TTN: variants seen among roughly 807,000 people sequenced by gnomAD.
TTN encodes the protein connectin.
A neutral mutation model predicts 3,223.0 loss-of-function variants in TTN; 1,525 were observed. The ratio of observed to expected loss-of-function variants is 0.47; its 90% CI spans 0.45 to 0.49. The LOEUF is 0.49. TTN is among the 20% of genes least tolerant of loss of function. The pLI is 0.00. For synonymous variants in TTN, 14,094 were observed against 15,161.0 expected (o/e 0.93, Z 5.17); for missense variants, 40,786 against 43,424.0 (o/e 0.94, Z 5.40).
In TTN at chr2:178,705,154, C is replaced by T. The variant is rs767137227; in HGVS notation, c.29604+20G>A. 14 of 1,604,728 alleles carry T rather than the reference C, an allele frequency of 8.7e-6. No individual in the cohort carries two copies. The highest frequency in any genetic ancestry group is 2.2e-5 in the East Asian group (1 of 44,802). On this transcript the variant is annotated intron_variant, in intron 103 of 362. Coordinates refer to ENST00000589042, the MANE Select transcript of TTN (RefSeq NM_001267550.2). ...TAAATGTGACTTTTTTAGCATGATG[C>T]TATATATGAAGGAGCATACCAGTCT... is the stretch of plus-strand genomic sequence containing the variant.
At position 178,612,758 on chromosome 2, in the gene TTN, T is replaced by C; in HGVS notation, c.49948+15A>G. ...TAGAAGAATTTATATATCCCAGACA[T>C]CAAGAGTGACTTACATAGCTTCTCC... On this transcript the variant is annotated intron_variant, in intron 265 of 362. Coordinates refer to ENST00000589042, the MANE Select transcript of TTN (RefSeq NM_001267550.2). 6.2e-7 allele frequency: 1 copy of C among 1,600,874 alleles called. No homozygotes were observed. The highest frequency in any genetic ancestry group is 8.5e-7 in the Non-Finnish European group (1 of 1,175,676).
Position 178,548,596 on chromosome 2 carries a change from G to A in TTN, c.93030C>T (p.Thr31010=), listed in dbSNP as rs764535070. ...GGCCTGGAGTGTCTAGCACTTTCAC[G>A]GTGAATGTGATTGACTTACTACCAC... ...NNSGSKSITF[T]VKVLDTPGPP... is the part of the protein sequence containing the mutation. The change falls in exon 339 of 363, where the codon ACC becomes ACT. Residue 31010 remains threonine (T), a synonymous_variant. Transcript: ENST00000589042. The surrounding 1 kb of genome is among the most constrained non-coding windows in gnomAD (Gnocchi z 4.3). 19 of 1,613,832 alleles carry A rather than the reference G, an allele frequency of 1.2e-5. No individual in the cohort carries two copies. Among genetic ancestry groups the A allele is most frequent in the Non-Finnish European group, 1.5e-5 (18 of 1,179,788 alleles).
At chr2:178,745,294 G>T in intron 47 of TTN, 7 of 1,233,978 alleles carry the variant, frequency 5.7e-6, no homozygotes, top group Non-Finnish European at 7.2e-6. Flanking sequence ...GAGGAGGCAT[G>T]AGGGTAAATA....
rs779332326 is a variant in TTN at position 178,666,835 on chromosome 2, G to A, written c.35864C>T (p.Pro11955Leu). 4 of 1,568,468 alleles carry A rather than the reference G, an allele frequency of 2.6e-6. No homozygotes were observed. In the East Asian group the frequency reaches 9.3e-5, roughly 36 times the overall value. The change falls in exon 163 of 363, where the codon CCA becomes CTA. Residue 11955 changes from proline to leucine, a missense_variant. Transcript: ENST00000589042. The stretch of plus-strand genomic sequence containing the variant: ...CTTCCAACTTGTACCTGTTGGTGAT[G>A]GTGTTTTTCTTCTTTTAACAATAGG... ...ETPIVKRRKT[P>L]SPTVPESPRE...
Position 178,718,401 on chromosome 2 carries a change from T to C in TTN, c.24705A>G (p.Ile8235Met). Reference protein sequence around the residue: ...STILEILESTIEDYAQYSCLI... With the variant: ...STILEILESTMEDYAQYSCLI... Reference sequence around the variant, plus strand: ...GGCAGCTGTACTGTGCATAATCCTCTATTGTGCTCTCAAGAATTTCCAGTA... The same window carrying C: ...GGCAGCTGTACTGTGCATAATCCTCCATTGTGCTCTCAAGAATTTCCAGTA... The change falls in exon 85 of 363, where the codon ATA (isoleucine) becomes ATG (methionine). Residue 8235 changes from isoleucine to methionine, a missense_variant. Coordinates refer to ENST00000589042, the MANE Select transcript of TTN (RefSeq NM_001267550.2). 6.2e-7 allele frequency: 1 copy of C among 1,613,844 alleles called. No homozygotes were observed. Among genetic ancestry groups the C allele is most frequent in the African/African-American group, 1.3e-5 (1 of 75,054 alleles).
In TTN at chr2:178,731,675, A is replaced by C. The variant is rs758899121; in HGVS notation, c.17182+18T>G. On this transcript the variant is annotated intron_variant, in intron 58 of 362. Transcript: ENST00000589042. Reference sequence around the variant, plus strand: ...GACTCTTCAGAAAAGCCAGTCCCTCACTGGAACCAACACTAACCTCTTAAA... The same window carrying C: ...GACTCTTCAGAAAAGCCAGTCCCTCCCTGGAACCAACACTAACCTCTTAAA... The C allele has an allele frequency of 6.3e-7, 1 of 1,594,010 alleles. No homozygotes were observed. Among genetic ancestry groups the C allele is most frequent in the Admixed American group, 1.7e-5 (1 of 58,356 alleles).
rs1705732524 is a variant in TTN, at chr2:178,566,083, A to G, written c.80049T>C (p.Thr26683=). The part of the protein sequence containing the change: ...SAFVTVKVLD[T]PGPPQNLAVK... ...CTGCCAAATTCTGTGGTGGTCCTGG[A>G]GTGTCAAGAACTTTCACAGTTACAA... is the stretch of plus-strand genomic sequence containing the variant. Residue 26683 remains threonine (T), a synonymous_variant, in exon 326 of 363, where the codon ACT becomes ACC. Transcript: ENST00000589042. The G allele has an allele frequency of 6.2e-7, 1 of 1,613,532 alleles. No individual in the cohort carries two copies. The highest frequency in any genetic ancestry group is 8.5e-7 in the Non-Finnish European group (1 of 1,179,698).
At chr2:178,663,768 T>C in intron 170 of TTN, 51 bp downstream of exon 170, 13 of 1,612,094 alleles carry the variant, frequency 8.1e-6, no homozygotes, top group South Asian at 6.6e-5. Context: ...GGAAAAAATA[T>C]CTTCAAGAGC....
In TTN at chr2:178,569,377, G is replaced by T; in HGVS notation, c.76755C>A (p.Asn25585Lys). The T allele has an allele frequency of 6.2e-7, 1 of 1,613,380 alleles. No homozygotes were observed. The highest frequency in any genetic ancestry group is 8.5e-7 in the Non-Finnish European group (1 of 1,179,566). ...DSGKYTLTLE[N>K]SSGTKSAFVT... ...CAAAGGCAGACTTTGTTCCACTGCTGTTTTCTAATGTAAGCGTATATTTTC... is the reference window on the plus strand; with the variant it reads ...CAAAGGCAGACTTTGTTCCACTGCTTTTTTCTAATGTAAGCGTATATTTTC... The change falls in exon 326 of 363, where the codon AAC becomes AAA. Residue 25585 changes from asparagine to lysine, a missense_variant. Physicochemically the swap from Asn to Lys is moderately conservative, Grantham distance 94. Transcript: ENST00000589042.
chr2:178,793,578 G>A, intron 8 of TTN, 37 bp from the exon 9 acceptor site: 1 of 1,610,728 alleles, frequency 6.2e-7, no homozygotes, highest in Non-Finnish European at 8.5e-7. Context: ...ACACCTTAAT[G>A]CATCTTACAT....
intron 217 of TTN, chr2:178,645,690 C>T (rs886366382): frequency 5.4e-5 from 18 of 331,644 alleles, no homozygotes; most frequent in South Asian, 9.0e-5. Context: ...TCAGATATCC[C>T]GGATGACGCT....
Position 178,573,899 on chromosome 2 carries a change from A to G in TTN, c.72233T>C (p.Ile24078Thr). 2 of 1,611,382 alleles carry G rather than the reference A, an allele frequency of 1.2e-6. No individual in the cohort carries two copies. The highest frequency in any genetic ancestry group is 2.2e-5 in the South Asian group (2 of 90,968). ...KELEGTAKLE[I>T]KIADFSTNLV... ...ATTAGTAGAGAAATCTGCAATTTTT[A>G]TTTCTAACTTTGCTGTGCCTTCCAG... Residue 24078 changes from isoleucine to threonine, a missense_variant, in exon 326 of 363, where the codon ATA becomes ACA. Transcript: ENST00000589042.
In TTN at chr2:178,549,243, C is replaced by G. The variant is rs369025866; in HGVS notation, c.92383G>C (p.Val30795Leu). The change falls in exon 339 of 363, where the codon GTC becomes CTC. Residue 30795 changes from valine (V) to leucine (L), a missense_variant. Physicochemically the swap from Val to Leu is conservative, Grantham distance 32. Transcript: ENST00000589042. Reference protein sequence around the residue: ...LTEGNEYEFHVMAENAAGVGP... With the variant: ...LTEGNEYEFHLMAENAAGVGP... ...ACTCCTGCAGCATTTTCAGCCATGA[C>G]ATGGAATTCATACTCATTGCCTTCT... 1.2e-6 allele frequency: 2 copies of G among 1,613,790 alleles called. No homozygotes were observed. The highest frequency in any genetic ancestry group is 1.1e-5 in the South Asian group (1 of 91,086).
chr2:178,648,001 C>G (rs1020286038), intron 213 of TTN, among the ~76,000 whole-genome samples: 3 of 152,122 alleles, frequency 2.0e-5, no homozygotes, highest in Non-Finnish European at 2.9e-5. Context: ...GTCTCCATCT[C>G]TTTCAAACCC....
Position 178,590,517 on chromosome 2 carries a change from A to G in TTN, c.61208T>C (p.Ile20403Thr), listed in dbSNP as rs757910559. 2 of 1,613,030 alleles carry G rather than the reference A, an allele frequency of 1.2e-6. No individual in the cohort carries two copies. The highest frequency in any genetic ancestry group is 3.3e-5 in the Admixed American group (2 of 59,936). ...CTGACATTCCACTACATATCCTAGA[A>G]TGGGGCTACCACCATCACTGAGAGG... ...TKPLSDGGSP[I>T]LGYVVECQKP... The change falls in exon 304 of 363, where the codon ATT becomes ACT. Residue 20403 changes from isoleucine (I) to threonine (T), a missense_variant. Physicochemically the swap from Ile to Thr is moderately conservative, Grantham distance 89. Transcript: ENST00000589042.
chr2:178,717,424 G>A (rs1227605301), intron 87 of TTN, 42 bp from the exon 88 acceptor site: 1 of 1,581,708 alleles, frequency 6.3e-7, no homozygotes, highest in Non-Finnish European at 8.6e-7. Flanking sequence ...TTATTTCCAT[G>A]CTCTCACATA....
Position 178,564,782 on chromosome 2 carries a change from A to G in TTN, c.81350T>C (p.Ile27117Thr), listed in dbSNP as rs1326162454. The G allele has an allele frequency of 1.2e-6, 2 of 1,612,246 alleles. No homozygotes were observed. Among genetic ancestry groups the G allele is most frequent in the South Asian group, 2.2e-5 (2 of 90,918 alleles). The change falls in exon 326 of 363, where the codon ATT (isoleucine) becomes ACT (threonine). Residue 27117 changes from isoleucine to threonine, a missense_variant. Coordinates refer to ENST00000589042, the MANE Select transcript of TTN (RefSeq NM_001267550.2). ...YHLEQKEKNS[I>T]LWVKLNKTPI... ...GGTCTTATTTAACTTGACCCATAAA[A>G]TACTGTTCTTTTCTTTCTGTTCAAG...
rs753719588 is a variant in TTN at position 178,637,357 on chromosome 2, A to G, written c.40927+12T>C. The G allele has an allele frequency of 1.4e-6, 2 of 1,458,240 alleles. No individual in the cohort carries two copies. Among genetic ancestry groups the G allele is most frequent in the Admixed American group, 5.5e-5 (2 of 36,398 alleles). The allele number at this position is 1,458,240 out of a possible 1,614,324, so 90.3% of individuals were successfully genotyped here. A position where few individuals can be genotyped will look rare whatever the true frequency, so the allele number is the denominator to read the frequency against. On this transcript the variant is annotated intron_variant, in intron 224 of 362. Transcript: ENST00000589042. Reference sequence around the variant, plus strand: ...AAGGTTACAATGCAAGTACTAGAAAAATGAATTTCACCTTTGATAGGACCT... The same window carrying G: ...AAGGTTACAATGCAAGTACTAGAAAGATGAATTTCACCTTTGATAGGACCT...
chr2:178,573,719 T>A lies in TTN; in HGVS notation c.72413A>T (p.Glu24138Val). Reference protein sequence around the residue: ...GPLAVTEVTSEKCVLSWFPPL... With the variant: ...GPLAVTEVTSVKCVLSWFPPL... ...AGGGAACCATGATAGTACACACTTTTCTGATGTCACTTCAGTTACAGCCAA... is the reference window on the plus strand; with the variant it reads ...AGGGAACCATGATAGTACACACTTTACTGATGTCACTTCAGTTACAGCCAA... Residue 24138 changes from glutamate (E) to valine (V), a missense_variant, in exon 326 of 363, where the codon GAA (glutamate) becomes GTA (valine). Physicochemically the swap from Glu to Val is moderately radical, Grantham distance 121. Coordinates refer to ENST00000589042, the MANE Select transcript of TTN (RefSeq NM_001267550.2). 6.5e-7 allele frequency: 1 copy of A among 1,549,962 alleles called. No individual in the cohort carries two copies. Among genetic ancestry groups the A allele is most frequent in the African/African-American group, 1.4e-5 (1 of 72,788 alleles).
Sources: gnomAD v4.1 joint callset for allele counts (sites outside exome capture counted in the v4.1 genomes callset) on GRCh38, gnomAD v4.1.1 for gene constraint, Gnocchi (gnomAD v3.1) non-coding constraint, MANE v1.5 for transcripts, NCBI Gene and HGNC (gene_info 2026-07-23, HGNC 2026-07-21) for gene names.